The following SLC7A7 variants were observed in gnomAD, a reference collection of about 807,000 sequenced individuals.
SLC7A7 encodes solute carrier family 7 member 7.
In SLC7A7, 39 loss-of-function variants were observed where a neutral mutation model predicts 47.9. That is an observed-to-expected ratio of 0.81 (90% CI 0.63 to 1.06). SLC7A7 has a LOEUF of 1.06. SLC7A7 is among the 50% of genes least tolerant of loss of function. SLC7A7 has a pLI of 0.00. For missense variants in SLC7A7, 588 were observed against 632.0 expected, an observed-to-expected ratio of 0.93 and a Z score of 0.75; for synonymous variants, 234 against 242.8, an observed-to-expected ratio of 0.96 and a Z score of 0.34.
rs77783824 is a variant in SLC7A7, at chr14:22,806,187, C to CTTTT, written c.499+6709_499+6712dup. Among the ~76,000 whole-genome samples, 29 of 78,280 alleles carry CTTTT rather than the reference C, an allele frequency of 3.7e-4. 1 individual carries two copies. The highest frequency in any genetic ancestry group is 5.6e-4 in the South Asian group (1 of 1,790). The allele number at this position is 78,280 out of a possible 152,430, so 51.4% of individuals were successfully genotyped here. A position where few individuals can be genotyped will look rare whatever the true frequency, so the allele number is the denominator to read the frequency against. On this transcript the variant is annotated intron_variant, in intron 2 of 9. Transcript: ENST00000674313. Reference sequence around the variant, plus strand: ...GACATTATCATTCACACATCAATCTCTTTTTTTTTTTTTTTTTTTTTTTTT... The same window carrying CTTTT: ...GACATTATCATTCACACATCAATCTCTTTTTTTTTTTTTTTTTTTTTTTTTTTTT...
chr14:22,785,241 G>A (rs923711308), intron 2 of SLC7A7, among the ~76,000 whole-genome samples: 2 of 152,120 alleles, frequency 1.3e-5, no homozygotes, highest in African/African-American at 2.4e-5. Flanking sequence ...TCACGCCACT[G>A]CACTCCAGCC....
At chr14:22,809,663 G>C (rs1044568619) in intron 2 of SLC7A7, among the ~76,000 whole-genome samples, 1 of 151,876 alleles carries the variant, frequency 6.6e-6, no homozygotes. Flanking sequence ...TTAGTAGAGA[G>C]GGGGTTTCAC....
chr14:22,775,735 G>A (rs983482972), intron 6 of SLC7A7, 98 bp downstream of exon 6: 60 of 985,090 alleles, frequency 6.1e-5, no homozygotes, highest in Admixed American at 8.5e-5. Flanking sequence ...TTGTGGTATC[G>A]GTTGGAGAAC....
chr14:22,788,702 TG>T lies in SLC7A7; in HGVS notation c.500-8652del, dbSNP rs1316769170. 2.5e-4 allele frequency among the ~76,000 whole-genome samples: 33 copies of T among 131,132 alleles called. 1 individual carries two copies. Among genetic ancestry groups the T allele is most frequent in the Middle Eastern group, 4.0e-3 (1 of 250 alleles). 86.0% of individuals were successfully genotyped at this position (131,132 alleles called of 152,430 possible). A position where few individuals can be genotyped will look rare whatever the true frequency, so the allele number is the denominator to read the frequency against. ...CCGGGCGACAGAGTGAGACTCTGTC[TG>T]GGAAAAAAAAAAAAAAAAAGTGAAC... is the stretch of plus-strand genomic sequence containing the variant. On this transcript the variant is annotated intron_variant, in intron 2 of 9. Transcript: ENST00000674313.
chr14:22,786,021 C>CAAA lies in SLC7A7; in HGVS notation c.500-5973_500-5971dup, dbSNP rs1233024478. Among the ~76,000 whole-genome samples the CAAA allele has an allele frequency of 2.4e-4, 18 of 73,992 alleles. 4 individuals are homozygous for CAAA. Among genetic ancestry groups the CAAA allele is most frequent in the Admixed American group, 4.2e-4 (3 of 7,130 alleles). 48.5% of individuals were successfully genotyped at this position (73,992 alleles called of 152,430 possible). ...TGGGCCACAGAGCGAGACTCTGTCT[C>CAAA]AAAAAAAAAAAAAAAAAAGCCAGGT... On this transcript the variant is annotated intron_variant, in intron 2 of 9. Transcript: ENST00000674313.
rs781546826 is a variant in SLC7A7 at position 22,773,689 on chromosome 14, A to G, written c.1457T>C (p.Leu486Pro). The change falls in exon 10 of 10, where the codon CTG (leucine) becomes CCG (proline). Residue 486 changes from leucine to proline, a missense_variant. Coordinates refer to ENST00000674313, the MANE Select transcript of SLC7A7 (RefSeq NM_003982.4). ...CATTTCTGCAGCAACTGACATACAC[A>G]GGACCTGGAGGTACCTTGTGGCAGA... is the stretch of plus-strand genomic sequence containing the variant. ...VGSATRYLQV[L>P]CMSVAAEMDL... is the part of the protein sequence containing the mutation. 9 of 1,614,070 alleles carry G rather than the reference A, an allele frequency of 5.6e-6. No individual in the cohort carries two copies. Among genetic ancestry groups the G allele is most frequent in the Non-Finnish European group, 3.4e-6 (4 of 1,180,042 alleles).
rs111530003 is a variant in SLC7A7 at position 22,776,073 on chromosome 14, C to T, written c.894+122G>A. ...GGGGTTAACAGGACCTTCTTGCAAG[C>T]CCGGTATTCTAAATGAACTCCTTTC... On this transcript the variant is annotated intron_variant, in intron 5 of 9. Transcript: ENST00000674313. 8.7e-6 allele frequency: 13 copies of T among 1,490,462 alleles called. No individual in the cohort carries two copies. The African/African-American group carries it at 9.7e-5, about 11-fold the overall frequency. The allele number at this position is 1,490,462 out of a possible 1,614,324, so 92.3% of individuals were successfully genotyped here.
intron 2 of SLC7A7, among the ~76,000 whole-genome samples, chr14:22,810,927 G>A (rs1355997609): frequency 2.6e-5 from 4 of 151,834 alleles, no homozygotes; most frequent in East Asian, 3.9e-4. Flanking sequence ...GTGGTGAGCC[G>A]AGATTGTGCC....
Position 22,774,465 on chromosome 14 carries a change from G to T in SLC7A7, c.1134C>A (p.Ile378=). 1 of 1,614,144 alleles carries T rather than the reference G, an allele frequency of 6.2e-7. No homozygotes were observed. The highest frequency in any genetic ancestry group is 2.2e-5 in the East Asian group (1 of 44,882). ...AGCTGTAGTAGTTAATGAGCTGGAA[G>T]ATGTCTTCCACGCACAAGTAGATCA... ...MALIYLCVED[I]FQLINYYSFS... The change falls in exon 8 of 10, where the codon ATC becomes ATA. Residue 378 remains isoleucine, a synonymous_variant. Coordinates refer to ENST00000674313, the MANE Select transcript of SLC7A7 (RefSeq NM_003982.4).
upstream of SLC7A7, chr14:22,816,164 T>A (rs2039404594): frequency 6.3e-6 from 1 of 159,724 alleles, no homozygotes; most frequent in South Asian, 1.7e-4. Context: ...AACGCCTTCC[T>A]CAAATATAAG....
At chr14:22,774,717 T>A (rs192029330) in intron 7 of SLC7A7, among the ~76,000 whole-genome samples, 25 of 152,282 alleles carry the variant, frequency 1.6e-4, no homozygotes, top group African/African-American at 5.8e-4. Context: ...ATTCTTCAAG[T>A]TAACCCTGTA....
At chr14:22,791,931 T>C (rs8011806) in intron 2 of SLC7A7, among the ~76,000 whole-genome samples, 108,254 of 150,746 alleles carry the variant, frequency 0.72, 39,670 homozygotes, top group Admixed American at 0.79. Flanking sequence ...GCCTCCTGGG[T>C]TCACGCCATT....
intron 3 of SLC7A7, 71 bp downstream of exon 3, chr14:22,779,855 G>A (rs1018726599): frequency 5.9e-6 from 8 of 1,348,414 alleles, no homozygotes; most frequent in Admixed American, 3.4e-5. Context: ...AATGCACAAA[G>A]AGCACTTAGA....
Position 22,813,037 on chromosome 14 carries a change from C to T in SLC7A7, c.362G>A (p.Trp121Ter). 1.2e-6 allele frequency: 2 copies of T among 1,614,048 alleles called. No individual in the cohort carries two copies. Among genetic ancestry groups the T allele is most frequent in the Non-Finnish European group, 1.7e-6 (2 of 1,180,010 alleles). ...GGGCTCAATGATGAGCAGGGAGGTC[C>T]AGAGTCTGATGAAAGCAAGGAATCC... is the stretch of plus-strand genomic sequence containing the variant. ...FGGFLAFIRL[W>*]TSLLIIEPTS... The change falls in exon 2 of 10, where the codon TGG (tryptophan) becomes TAG (stop). Residue 121 changes from tryptophan (W) to a stop codon, truncating the protein, a stop_gained. Coordinates refer to ENST00000674313, the MANE Select transcript of SLC7A7 (RefSeq NM_003982.4). LOFTEE classifies it high-confidence loss of function.
At chr14:22,787,899 C>T (rs945422061) in intron 2 of SLC7A7, among the ~76,000 whole-genome samples, 8 of 151,850 alleles carry the variant, frequency 5.3e-5, no homozygotes, top group Admixed American at 1.3e-4. Context: ...CAATGAAACC[C>T]CATCTCTACT....
chr14:22,813,150 G>A lies in SLC7A7; in HGVS notation c.249C>T (p.Ser83=), dbSNP rs146077876. 46 of 1,613,970 alleles carry A rather than the reference G, an allele frequency of 2.9e-5. No homozygotes were observed. In the African/African-American group the frequency reaches 3.7e-4, roughly 13 times the overall value. Residue 83 remains serine (S), a synonymous_variant, in exon 2 of 10, where the codon TCC becomes TCT. Coordinates refer to ENST00000674313, the MANE Select transcript of SLC7A7 (RefSeq NM_003982.4). ...CCGCATAACAAAGGGCCCCAAAGACGGAGAAGAGGCCCCCGACAGCCCAGA... is the reference window on the plus strand; with the variant it reads ...CCGCATAACAAAGGGCCCCAAAGACAGAGAAGAGGCCCCCGACAGCCCAGA... ...LVIWAVGGLF[S]VFGALCYAEL...
intron 2 of SLC7A7, among the ~76,000 whole-genome samples, chr14:22,800,887 C>T (rs544033888): frequency 8.6e-5 from 13 of 151,996 alleles, no homozygotes; most frequent in South Asian, 2.1e-4. Flanking sequence ...TGCAGTGAGC[C>T]GAGATCGCGC....
chr14:22,776,034 C>T (rs2038598500), intron 5 of SLC7A7, 98 bp from the exon 6 acceptor site: 6 of 1,419,434 alleles, frequency 4.2e-6, no homozygotes, highest in Non-Finnish European at 2.0e-6. Flanking sequence ...GTATTCCAAC[C>T]TTTCTTCCAC....
intron 2 of SLC7A7, among the ~76,000 whole-genome samples, chr14:22,794,680 G>A (rs2038980846): frequency 6.6e-6 from 1 of 152,042 alleles, no homozygotes; most frequent in Admixed American, 6.6e-5. Flanking sequence ...AATCACCTAC[G>A]GAAATAACCA....
Sources: allele counts gnomAD v4.1 joint callset (sites outside exome capture counted in the v4.1 genomes callset), GRCh38; gene constraint gnomAD v4.1.1; transcripts MANE v1.5; gene names NCBI Gene and HGNC (gene_info 2026-07-23, HGNC 2026-07-21).